The following CADPS variants were observed in gnomAD, a reference collection of about 807,000 sequenced individuals.
The protein encoded by CADPS is calcium dependent secretion activator, also known as calcium-dependent secretion activator 1.
CADPS carries 57 observed loss-of-function variants against 167.3 expected under a neutral mutation model. The observed-to-expected ratio is 0.34, with a 90% CI of 0.28 to 0.42. CADPS has a LOEUF of 0.42. Among genes scored for constraint, CADPS ranks in the 20% least tolerant of loss-of-function variants. The probability of loss-of-function intolerance (pLI) is 1.00; values close to 1 mark genes in which losing one functional copy is unlikely to be tolerated. For missense variants in CADPS, 1,414 were observed against 1,738.1 expected (o/e 0.81, Z 3.32); for synonymous variants, 676 against 635.3 (o/e 1.06, Z -0.96).
At chr3:62,659,585 C>G (rs746606473) in intron 4 of CADPS, among the ~76,000 whole-genome samples, 4 of 152,168 alleles carry the variant, frequency 2.6e-5, no homozygotes, top group Non-Finnish European at 5.9e-5. Context: ...CATCTTTTCC[C>G]TATATGGAAG....
intron 1 of CADPS, among the ~76,000 whole-genome samples, chr3:62,788,533 G>A (rs1014642904): frequency 1.3e-5 from 2 of 152,098 alleles, no homozygotes; most frequent in Admixed American, 6.5e-5. Context: ...TTTTGAAGAC[G>A]TATCAGAATG....
intron 11 of CADPS, among the ~76,000 whole-genome samples, chr3:62,542,800 A>G (rs1176850308): frequency 6.6e-6 from 1 of 152,174 alleles, no homozygotes; most frequent in Middle Eastern, 3.2e-3. Flanking sequence ...TTCTATAATT[A>G]TTTGTCAGAC....
In CADPS at chr3:62,557,444, A is replaced by G. The variant is rs368552673; in HGVS notation, c.1714T>C (p.Leu572=). The change falls in exon 10 of 30, where the codon TTG becomes CTG. Residue 572 remains leucine, a synonymous_variant. Coordinates refer to ENST00000383710, the MANE Select transcript of CADPS (RefSeq NM_003716.4). ...GTGTAATCCACAGTGTAGCCATCCA[A>G]TTGTAGAAGTTCCTGAGGCTCCGCT... ...KKAEPQELLQ[L]DGYTVDYTDP... is the part of the protein sequence containing the mutation. 1 of 1,613,988 alleles carries G rather than the reference A, an allele frequency of 6.2e-7. No homozygotes were observed.
chr3:62,648,885 A>G (rs1012299747), intron 5 of CADPS, among the ~76,000 whole-genome samples: 1 of 152,082 alleles, frequency 6.6e-6, no homozygotes, highest in Non-Finnish European at 1.5e-5. Context: ...GTTTTTTAAA[A>G]AAGAAAGTTT....
At chr3:62,825,431 C>T (rs1268591793) in intron 1 of CADPS, among the ~76,000 whole-genome samples, 1 of 152,130 alleles carries the variant, frequency 6.6e-6, no homozygotes, top group African/African-American at 2.4e-5. Context: ...TTACATCAGA[C>T]CTACTAACTC....
At chr3:62,495,831 C>T (rs575969024) in intron 18 of CADPS, among the ~76,000 whole-genome samples, 1 of 152,296 alleles carries the variant, frequency 6.6e-6, no homozygotes, top group Non-Finnish European at 1.5e-5. Context: ...TAACTGTGAC[C>T]ACTGCTACCA....
At chr3:62,648,682 A>T (rs1269498204) in intron 5 of CADPS, among the ~76,000 whole-genome samples, 2 of 140,792 alleles carry the variant, frequency 1.4e-5, no homozygotes, top group African/African-American at 2.9e-5. Context: ...ACAGAGTGAG[A>T]CGTTGTGTCA....
At chr3:62,648,992 A>C (rs2069308541) in intron 5 of CADPS, among the ~76,000 whole-genome samples, 1 of 152,220 alleles carries the variant, frequency 6.6e-6, no homozygotes, top group East Asian at 1.9e-4. Context: ...TGAAAACACT[A>C]ATGTGAGTAT....
intron 5 of CADPS, among the ~76,000 whole-genome samples, chr3:62,647,524 C>T (rs1050004296): frequency 2.0e-5 from 3 of 152,158 alleles, no homozygotes; most frequent in African/African-American, 7.2e-5. Flanking sequence ...TGATGTTGGG[C>T]AAATGATTTG....
Position 62,433,233 on chromosome 3 carries a change from G to A in CADPS, c.3777+4871C>T, listed in dbSNP as rs941643784. On this transcript the variant is annotated intron_variant, in intron 28 of 29. Coordinates refer to ENST00000383710, the MANE Select transcript of CADPS (RefSeq NM_003716.4). The surrounding 1 kb of genome is among the most constrained non-coding windows in gnomAD (Gnocchi z 4.7). ...AGCAAATATATTTTAACAGGCAAAG[G>A]TTTCATGTTTCAAATTACCCTTTTC... Among the ~76,000 whole-genome samples, 2 of 152,048 alleles carry A rather than the reference G, an allele frequency of 1.3e-5. No homozygotes were observed. Among genetic ancestry groups the A allele is most frequent in the East Asian group, 3.9e-4 (2 of 5,192 alleles).
intron 13 of CADPS, among the ~76,000 whole-genome samples, chr3:62,520,598 T>C (rs2070273730): frequency 6.8e-6 from 1 of 146,818 alleles, no homozygotes; most frequent in South Asian, 2.2e-4. Context: ...TAAAACAAAC[T>C]AACTTTACTA....
intron 27 of CADPS, among the ~76,000 whole-genome samples, chr3:62,442,680 T>C (rs2149864142): frequency 6.6e-6 from 1 of 152,278 alleles, no homozygotes; most frequent in African/African-American, 2.4e-5. Context: ...TAATTGACCT[T>C]GGGAACCAGT....
intron 12 of CADPS, chr3:62,535,989 T>A (rs1352921738): frequency 1.3e-5 from 2 of 152,368 alleles, no homozygotes; most frequent in Non-Finnish European, 2.9e-5. Flanking sequence ...TCAATTTAGC[T>A]TATGAAAAAT....
At chr3:62,665,967 A>G (rs1400144264) in intron 3 of CADPS, among the ~76,000 whole-genome samples, 1 of 152,154 alleles carries the variant, frequency 6.6e-6, no homozygotes, top group Non-Finnish European at 1.5e-5. Context: ...GTTATTTTAG[A>G]GCAGTCCATG....
chr3:62,491,946 A>C (rs774348952), intron 20 of CADPS, among the ~76,000 whole-genome samples: 18 of 152,180 alleles, frequency 1.2e-4, no homozygotes, highest in Non-Finnish European at 2.4e-4. Context: ...AGTCAGCTGG[A>C]AATTTTTTTT....
chr3:62,603,786 C>G (rs916743723), intron 6 of CADPS, among the ~76,000 whole-genome samples: 6 of 151,996 alleles, frequency 3.9e-5, no homozygotes, highest in Non-Finnish European at 7.4e-5. Flanking sequence ...ATTCCAACAT[C>G]TCTGCCGTAT....
In CADPS at chr3:62,747,604, G is replaced by C. The variant is rs549454143; in HGVS notation, c.888+5837C>G. Among the ~76,000 whole-genome samples, 6 of 152,300 alleles carry C rather than the reference G, an allele frequency of 3.9e-5. No homozygotes were observed. The East Asian group carries it at 1.2e-3, about 29-fold the overall frequency. ...ATGATGGTTTGGAGGAAAGGAAATT[G>C]AATGTTAAGAAAATTAGCAGTTCAA... On this transcript the variant is annotated intron_variant, in intron 3 of 29. Transcript: ENST00000383710.
chr3:62,763,857 A>G (rs1360703216), intron 2 of CADPS, among the ~76,000 whole-genome samples: 1 of 152,196 alleles, frequency 6.6e-6, no homozygotes, highest in Non-Finnish European at 1.5e-5. Flanking sequence ...TTAAATATTC[A>G]GTAATTTCTC....
intron 13 of CADPS, among the ~76,000 whole-genome samples, chr3:62,528,152 C>T (rs527891265): frequency 2.6e-5 from 4 of 152,180 alleles, no homozygotes; most frequent in East Asian, 3.9e-4. Flanking sequence ...AAATATCAAA[C>T]GGCCAGGTTT....
Sources: allele counts gnomAD v4.1 joint callset (sites outside exome capture counted in the v4.1 genomes callset), GRCh38; gene constraint gnomAD v4.1.1; non-coding constraint Gnocchi (gnomAD v3.1); transcripts MANE v1.5; gene names NCBI Gene and HGNC (gene_info 2026-07-23, HGNC 2026-07-21).